Variants in CNKSR3 observed in about 807,000 individuals in gnomAD.
CNKSR3 encodes the protein connector enhancer of kinase suppressor of ras 3.
In CNKSR3, 36 loss-of-function variants were observed where a neutral mutation model predicts 67.7. The observed-to-expected ratio is 0.53, with a 90% CI of 0.41 to 0.70. The LOEUF (loss-of-function observed/expected upper bound fraction) is 0.70, where lower values mean the gene tolerates loss of function less well. CNKSR3 is among the 30% of genes least tolerant of loss of function. The pLI is 0.00. For missense variants in CNKSR3, 630 were observed against 695.2 expected (o/e 0.91, Z 1.05); for synonymous variants, 281 against 271.4 (o/e 1.04, Z -0.35).
chr6:154,452,225 T>TGCACCCATCATCA (rs372606515), intron 1 of CNKSR3, among the ~76,000 whole-genome samples: 209 of 152,340 alleles, frequency 1.4e-3, no homozygotes, highest in African/African-American at 4.7e-3. Flanking sequence ...GAAGGGCTGA[T>TGCACCCATCATCA]GCACCCATCA....
Position 154,390,760 on chromosome 6 carries a change from A to T in CNKSR3, c.*15594T>A, listed in dbSNP as rs6911744. 93,610 of 150,128 alleles carry T rather than the reference A, an allele frequency of 0.62. 30,203 individuals are homozygous for T. The highest frequency in any genetic ancestry group is 0.89 in the East Asian group (4,528 of 5,060). The allele number at this position is 150,128 out of a possible 1,614,324, so 9.3% of individuals were successfully genotyped here. On this transcript the variant is annotated 3_prime_UTR_variant, in exon 13 of 13. Coordinates refer to ENST00000607772, the MANE Select transcript of CNKSR3 (RefSeq NM_173515.4). ...CTTCTCACAGCTCTGCAGGTGGAAG[A>T]CTGATCAAGGTGTCAGCAGCACTGG...
At chr6:154,450,299 TC>T in intron 1 of CNKSR3, 41 bp from the exon 2 acceptor site, 1 of 1,601,804 alleles carries the variant, frequency 6.2e-7, no homozygotes, top group Non-Finnish European at 8.5e-7. Flanking sequence ...GCCATTTTGT[TC>T]CTTTACCCAC....
chr6:154,409,605 C>T (rs1439576920), intron 12 of CNKSR3, among the ~76,000 whole-genome samples: 1 of 152,110 alleles, frequency 6.6e-6, no homozygotes, highest in Non-Finnish European at 1.5e-5. Flanking sequence ...GTAACACCAG[C>T]TATTCAGGAA....
chr6:154,464,081 G>A (rs1482271420), intron 1 of CNKSR3, among the ~76,000 whole-genome samples: 8 of 152,226 alleles, frequency 5.3e-5, no homozygotes, highest in Non-Finnish European at 1.0e-4. Flanking sequence ...AAGATCATAC[G>A]AGGCCAGAAT....
intron 9 of CNKSR3, among the ~76,000 whole-genome samples, chr6:154,420,506 G>A (rs1040749509): frequency 1.3e-4 from 19 of 151,438 alleles, no homozygotes; most frequent in African/African-American, 3.2e-4. Context: ...CGGCTAAAAC[G>A]GTGAAACCCC....
In CNKSR3 at chr6:154,430,525, A is replaced by G. The variant is rs1390914868; in HGVS notation, c.616T>C (p.Cys206Arg). ...AAGTGAACTTCCTCCAGACATGCAC[A>G]CTGGCTCATCACAGGATCTGTGGTA... ...RSTTDPVMSQCACLEEVHLPN... is the reference protein window; with the variant it reads ...RSTTDPVMSQRACLEEVHLPN... Residue 206 changes from cysteine (C) to arginine (R), a missense_variant, in exon 6 of 13, where the codon TGT (cysteine) becomes CGT (arginine). Around this residue, in one of 3 missense-constraint regions of CNKSR3, gnomAD observed 133 missense variants for 190.6 expected, o/e 0.70. Coordinates refer to ENST00000607772, the MANE Select transcript of CNKSR3 (RefSeq NM_173515.4). 4 of 1,612,976 alleles carry G rather than the reference A, an allele frequency of 2.5e-6. No homozygotes were observed. In the East Asian group the frequency reaches 8.9e-5, roughly 36 times the overall value.
intron 1 of CNKSR3, among the ~76,000 whole-genome samples, chr6:154,504,838 C>T (rs1053610282): frequency 6.6e-6 from 1 of 151,620 alleles, no homozygotes; most frequent in Admixed American, 6.6e-5. Context: ...GAGACCCCAT[C>T]TCTGTATTAA....
At chr6:154,415,371 C>T (rs1483144831) in intron 9 of CNKSR3, among the ~76,000 whole-genome samples, 1 of 151,776 alleles carries the variant, frequency 6.6e-6, no homozygotes, top group Admixed American at 6.6e-5. Flanking sequence ...GCTGGGATTA[C>T]AGGTGCGTGC....
intron 9 of CNKSR3, among the ~76,000 whole-genome samples, chr6:154,419,739 A>T (rs1033584211): frequency 1.3e-5 from 2 of 152,168 alleles, no homozygotes; most frequent in Admixed American, 6.5e-5. Flanking sequence ...TGGATAAGGA[A>T]AATGTGGTGT....
At chr6:154,435,194 C>A (rs1785447285) in intron 4 of CNKSR3, among the ~76,000 whole-genome samples, 1 of 151,964 alleles carries the variant, frequency 6.6e-6, no homozygotes, top group Non-Finnish European at 1.5e-5. Flanking sequence ...CGGGGTTTCA[C>A]CATGTTGCCC....
At chr6:154,500,435 C>A (rs933979641) in intron 1 of CNKSR3, among the ~76,000 whole-genome samples, 3 of 152,070 alleles carry the variant, frequency 2.0e-5, no homozygotes, top group African/African-American at 7.2e-5. Context: ...ATAGAAAGCA[C>A]GTAGGGGTTT....
intron 1 of CNKSR3, among the ~76,000 whole-genome samples, chr6:154,466,131 G>A (rs1453995115): frequency 2.0e-5 from 3 of 152,144 alleles, no homozygotes; most frequent in South Asian, 2.1e-4. Context: ...ATAACAATAT[G>A]GTACTTTAGG....
chr6:154,420,817 T>C (rs1040885553), intron 9 of CNKSR3, among the ~76,000 whole-genome samples: 1 of 152,174 alleles, frequency 6.6e-6, no homozygotes, highest in African/African-American at 2.4e-5. Flanking sequence ...AATAAACGTA[T>C]TAATGAGCTT....
intron 1 of CNKSR3, among the ~76,000 whole-genome samples, chr6:154,471,889 T>C (rs1242912688): frequency 6.6e-6 from 1 of 152,192 alleles, no homozygotes. Context: ...CTGGGGGTTT[T>C]GATGGACAAT....
intron 1 of CNKSR3, among the ~76,000 whole-genome samples, chr6:154,480,722 C>A (rs187001086): frequency 2.6e-5 from 4 of 152,332 alleles, no homozygotes; most frequent in Non-Finnish European, 4.4e-5. Context: ...ATACCACGTT[C>A]TTGACCTCCT....
intron 1 of CNKSR3, among the ~76,000 whole-genome samples, chr6:154,507,969 C>T (rs1281964170): frequency 6.6e-6 from 1 of 152,186 alleles, no homozygotes; most frequent in African/African-American, 2.4e-5. Flanking sequence ...ACAACAACAA[C>T]AACAAAACCA....
chr6:154,451,359 G>A (rs1203955871), intron 1 of CNKSR3, among the ~76,000 whole-genome samples: 1 of 152,214 alleles, frequency 6.6e-6, no homozygotes. Flanking sequence ...AAGACTTAGT[G>A]ATTTAAAAGT....
chr6:154,430,208 C>T (rs1223708379), intron 6 of CNKSR3, among the ~76,000 whole-genome samples: 1 of 152,074 alleles, frequency 6.6e-6, no homozygotes, highest in African/African-American at 2.4e-5. Context: ...TTTATATTTC[C>T]TTGCATTGCT....
chr6:154,432,661 G>T (rs1243901480), intron 5 of CNKSR3, among the ~76,000 whole-genome samples: 1 of 152,058 alleles, frequency 6.6e-6, no homozygotes, highest in Non-Finnish European at 1.5e-5. Context: ...TTACATTTAG[G>T]TCTATCATCT....
Sources: gnomAD v4.1 joint callset for allele counts (sites outside exome capture counted in the v4.1 genomes callset) on GRCh38, gnomAD v4.1.1 for gene constraint, gnomAD v4.1.1 regional missense constraint, MANE v1.5 for transcripts, NCBI Gene and HGNC (gene_info 2026-07-23, HGNC 2026-07-21) for gene names.